Variants in CADM2 observed in about 807,000 individuals in gnomAD.
CADM2 encodes cell adhesion molecule 2, also known as immunoglobulin superfamily member 4D.
In CADM2, 12 loss-of-function variants were observed where a neutral mutation model predicts 49.8. The ratio of observed to expected loss-of-function variants is 0.24; its 90% CI spans 0.15 to 0.39. CADM2 has a LOEUF of 0.39. CADM2 is among the 10% of genes least tolerant of loss of function. The pLI is 1.00. For missense variants in CADM2, 378 were observed against 492.3 expected (o/e 0.77, Z 2.20); for synonymous variants, 214 against 175.4 (o/e 1.22, Z -1.74).
At chr3:85,425,349 T>C (rs990109673) in intron 1 of CADM2, among the ~76,000 whole-genome samples, 3 of 152,216 alleles carry the variant, frequency 2.0e-5, no homozygotes, top group Non-Finnish European at 2.9e-5. Flanking sequence ...TATTTTCAGC[T>C]CTTGTTTTCC....
chr3:85,665,186 G>A (rs937605837), intron 1 of CADM2, among the ~76,000 whole-genome samples: 3 of 151,822 alleles, frequency 2.0e-5, no homozygotes, highest in African/African-American at 7.3e-5. Flanking sequence ...CTATCACATT[G>A]TACATGCTCA....
At chr3:85,832,134 G>T (rs2074213916) in intron 3 of CADM2, among the ~76,000 whole-genome samples, 1 of 151,874 alleles carries the variant, frequency 6.6e-6, no homozygotes, top group African/African-American at 2.4e-5. Flanking sequence ...AACATCAGAT[G>T]ATTGAAGGTA....
At chr3:85,565,553 T>C (rs1445415839) in intron 1 of CADM2, among the ~76,000 whole-genome samples, 1 of 152,042 alleles carries the variant, frequency 6.6e-6, no homozygotes. Context: ...TAGGCCAACT[T>C]TTCCACCATA....
At chr3:85,950,761 T>C (rs563975835) in intron 7 of CADM2, among the ~76,000 whole-genome samples, 1 of 151,262 alleles carries the variant, frequency 6.6e-6, no homozygotes, top group Admixed American at 6.6e-5. Flanking sequence ...TAAAATCTAC[T>C]GGTGAAATTA....
At chr3:85,743,054 A>G (rs933487193) in intron 2 of CADM2, among the ~76,000 whole-genome samples, 4 of 152,152 alleles carry the variant, frequency 2.6e-5, no homozygotes, top group African/African-American at 9.7e-5. Flanking sequence ...TGGTTTATGT[A>G]AATAACAATA....
intron 1 of CADM2, among the ~76,000 whole-genome samples, chr3:85,217,713 G>A (rs2041960544): frequency 6.6e-6 from 1 of 152,024 alleles, no homozygotes; most frequent in South Asian, 2.1e-4. Context: ...TTCCATGAAT[G>A]TAATACTTCC....
intron 8 of CADM2, among the ~76,000 whole-genome samples, chr3:86,020,236 G>T (rs1732949702): frequency 6.6e-6 from 1 of 151,862 alleles, no homozygotes; most frequent in Non-Finnish European, 1.5e-5. Flanking sequence ...AGAAAATCTA[G>T]AAGAAATGGA....
chr3:85,935,304 T>C lies in CADM2; in HGVS notation c.701-463T>C, dbSNP rs531864770. 8.5e-5 allele frequency among the ~76,000 whole-genome samples: 13 copies of C among 152,212 alleles called. No individual in the cohort carries two copies. The South Asian group carries it at 1.5e-3, about 17-fold the overall frequency. Reference sequence around the variant, plus strand: ...ATTTTGAAAAGATTCTGCATAATACTTGTGAGACAGTAATTGAGCTTGAGT... The same window carrying C: ...ATTTTGAAAAGATTCTGCATAATACCTGTGAGACAGTAATTGAGCTTGAGT... On this transcript the variant is annotated intron_variant, in intron 6 of 9. Transcript: ENST00000383699.
intron 1 of CADM2, among the ~76,000 whole-genome samples, chr3:84,977,985 T>A (rs543728685): frequency 6.6e-6 from 1 of 152,192 alleles, no homozygotes; most frequent in East Asian, 1.9e-4. Flanking sequence ...TGAAGGAGAA[T>A]AAAGGCATTT....
At chr3:84,974,137 T>C (rs1321285656) in intron 1 of CADM2, among the ~76,000 whole-genome samples, 3 of 152,002 alleles carry the variant, frequency 2.0e-5, no homozygotes, top group African/African-American at 7.2e-5. Flanking sequence ...TAACAGATTG[T>C]ATGGTATTTT....
At chr3:85,812,679 A>G (rs2072951851) in intron 3 of CADM2, among the ~76,000 whole-genome samples, 2 of 151,868 alleles carry the variant, frequency 1.3e-5, no homozygotes. Flanking sequence ...AAGTATTTCT[A>G]CTAATGTTAT....
chr3:85,850,685 A>G (rs563296704), intron 3 of CADM2, among the ~76,000 whole-genome samples: 2 of 152,194 alleles, frequency 1.3e-5, no homozygotes, highest in East Asian at 3.9e-4. Context: ...TCTGTACTCT[A>G]TGCCTGTGTG....
intron 2 of CADM2, among the ~76,000 whole-genome samples, chr3:85,733,990 C>A (rs2068034559): frequency 6.6e-6 from 1 of 151,988 alleles, no homozygotes. Flanking sequence ...TAAGGAGAAA[C>A]AGAATGATCA....
intron 1 of CADM2, among the ~76,000 whole-genome samples, chr3:85,052,907 G>C (rs897422320): frequency 6.6e-6 from 1 of 151,950 alleles, no homozygotes; most frequent in Non-Finnish European, 1.5e-5. Flanking sequence ...TTTCTTGTTT[G>C]TTCTAATTTC....
chr3:85,490,013 A>G (rs2039605316), intron 1 of CADM2, among the ~76,000 whole-genome samples: 1 of 152,172 alleles, frequency 6.6e-6, no homozygotes, highest in African/African-American at 2.4e-5. Flanking sequence ...TTTAATTGTT[A>G]TTCTGATCAT....
chr3:85,343,614 C>A (rs1396613850), intron 1 of CADM2, among the ~76,000 whole-genome samples: 1 of 152,164 alleles, frequency 6.6e-6, no homozygotes, highest in Non-Finnish European at 1.5e-5. Flanking sequence ...GCTTCAGGTT[C>A]ATGCTAGGAA....
intron 1 of CADM2, among the ~76,000 whole-genome samples, chr3:85,349,708 A>C (rs1242488528): frequency 6.6e-6 from 1 of 152,238 alleles, no homozygotes; most frequent in Non-Finnish European, 1.5e-5. Context: ...AGATAAAACA[A>C]AGATGAATGT....
At chr3:85,468,958 A>C (rs1223167074) in intron 1 of CADM2, among the ~76,000 whole-genome samples, 1 of 152,144 alleles carries the variant, frequency 6.6e-6, no homozygotes, top group Non-Finnish European at 1.5e-5. Flanking sequence ...TTTACCTCTC[A>C]ATTTGTCATT....
At chr3:85,870,000 C>T (rs2075863212) in intron 3 of CADM2, among the ~76,000 whole-genome samples, 1 of 152,234 alleles carries the variant, frequency 6.6e-6, no homozygotes, top group South Asian at 2.1e-4. Flanking sequence ...TGAACCTTCT[C>T]GAATATAATC....
Sources: gnomAD v4.1 joint callset for allele counts (sites outside exome capture counted in the v4.1 genomes callset) on GRCh38, gnomAD v4.1.1 for gene constraint, MANE v1.5 for transcripts, NCBI Gene and HGNC (gene_info 2026-07-23, HGNC 2026-07-21) for gene names.